SRGAP1: variants seen among roughly 807,000 people sequenced by gnomAD.
The protein encoded by SRGAP1 is SLIT-ROBO Rho GTPase activating protein 1, also known as SLIT-ROBO Rho GTPase-activating protein 1.
A neutral mutation model predicts 121.9 loss-of-function variants in SRGAP1; 43 were observed. The ratio of observed to expected loss-of-function variants is 0.35; its 90% CI spans 0.28 to 0.46. SRGAP1 has a LOEUF of 0.46. SRGAP1 is among the 20% of genes least tolerant of loss of function. The pLI, the probability that SRGAP1 is intolerant of heterozygous loss-of-function variation, is 1.00. For missense variants in SRGAP1, 1,102 were observed against 1,350.9 expected (o/e 0.82, Z 2.89); for synonymous variants, 447 against 485.4 (o/e 0.92, Z 1.04).
chr12:63,851,708 G>A (rs1899080516), intron 1 of SRGAP1, among the ~76,000 whole-genome samples: 1 of 151,430 alleles, frequency 6.6e-6, no homozygotes, highest in African/African-American at 2.4e-5. Context: ...AGGATTACAG[G>A]CATGCACCCC....
At chr12:64,030,715 T>C (rs2034758411) in intron 4 of SRGAP1, among the ~76,000 whole-genome samples, 1 of 152,228 alleles carries the variant, frequency 6.6e-6, no homozygotes, top group South Asian at 2.1e-4. Flanking sequence ...TCCTCCTTAA[T>C]GAGCACTTGC....
chr12:64,097,208 T>C (rs2036171725), intron 14 of SRGAP1, 33 bp from the exon 15 acceptor site: 2 of 1,565,200 alleles, frequency 1.3e-6, no homozygotes, highest in Middle Eastern at 1.7e-4. Context: ...AAAGAAGCAC[T>C]GTTAATGTAA....
intron 3 of SRGAP1, among the ~76,000 whole-genome samples, chr12:64,009,328 A>G (rs1048323942): frequency 6.6e-6 from 1 of 152,146 alleles, no homozygotes; most frequent in Non-Finnish European, 1.5e-5. Context: ...GGTGTTTCCA[A>G]TTTATCAGCA....
At chr12:64,072,914 C>T (rs2035669080) in intron 8 of SRGAP1, among the ~76,000 whole-genome samples, 1 of 152,152 alleles carries the variant, frequency 6.6e-6, no homozygotes, top group African/African-American at 2.4e-5. Flanking sequence ...TGTTTTGACC[C>T]ACAGCTCAGA....
intron 1 of SRGAP1, among the ~76,000 whole-genome samples, chr12:63,927,940 T>C (rs1219343312): frequency 6.6e-6 from 1 of 152,158 alleles, no homozygotes; most frequent in African/African-American, 2.4e-5. Context: ...TAGAATGCAT[T>C]GTGAATCTTC....
At chr12:63,907,711 A>G (rs2030284193) in intron 1 of SRGAP1, among the ~76,000 whole-genome samples, 1 of 149,364 alleles carries the variant, frequency 6.7e-6, no homozygotes, top group Non-Finnish European at 1.5e-5. Context: ...CCTATGAGGC[A>G]TAAAAGTTTT....
chr12:64,016,651 C>T (rs933483827), intron 3 of SRGAP1, among the ~76,000 whole-genome samples: 1 of 152,130 alleles, frequency 6.6e-6, no homozygotes, highest in Non-Finnish European at 1.5e-5. Flanking sequence ...AGTTCTGCAA[C>T]TCAACTTTTA....
chr12:63,974,533 TA>T (rs1311367188), intron 1 of SRGAP1, among the ~76,000 whole-genome samples: 1 of 152,176 alleles, frequency 6.6e-6, no homozygotes, highest in Admixed American at 6.5e-5. Flanking sequence ...AATTTTTATT[TA>T]TTTTTTTCTT....
chr12:64,075,456 G>A (rs111866923), intron 8 of SRGAP1, among the ~76,000 whole-genome samples: 19,988 of 152,192 alleles, frequency 0.13, 1,572 homozygotes, highest in South Asian at 0.31. Context: ...AGTGCTGCAG[G>A]GATTTTGTTT....
At chr12:63,897,622 G>A (rs1900797249) in intron 1 of SRGAP1, among the ~76,000 whole-genome samples, 1 of 152,162 alleles carries the variant, frequency 6.6e-6, no homozygotes, top group Non-Finnish European at 1.5e-5. Flanking sequence ...AATTTACCTT[G>A]TCTGCTATTT....
chr12:64,071,958 G>A (rs147808000), intron 8 of SRGAP1, among the ~76,000 whole-genome samples: 110 of 152,110 alleles, frequency 7.2e-4, no homozygotes, highest in Middle Eastern at 3.4e-3. Flanking sequence ...AGGGGATAGG[G>A]TTATTAGCAT....
At chr12:64,095,259 G>A (rs2136590702) in intron 14 of SRGAP1, 55 bp downstream of exon 14, 2 of 1,489,144 alleles carry the variant, frequency 1.3e-6, no homozygotes, top group Non-Finnish European at 1.9e-6. Context: ...ATCATGTTCT[G>A]TAAACTGAAG....
intron 1 of SRGAP1, among the ~76,000 whole-genome samples, chr12:63,889,364 G>C (rs1900499541): frequency 6.6e-6 from 1 of 152,314 alleles, no homozygotes; most frequent in Non-Finnish European, 1.5e-5. Context: ...TCTGTGCTGG[G>C]AGGTGGAGAG....
At chr12:64,045,933 A>G (rs1331889484) in intron 6 of SRGAP1, among the ~76,000 whole-genome samples, 1 of 152,324 alleles carries the variant, frequency 6.6e-6, no homozygotes, top group Middle Eastern at 3.4e-3. Flanking sequence ...AAGTACATGT[A>G]TACACACACA....
chr12:63,971,832 G>A (rs1275756270), intron 1 of SRGAP1, among the ~76,000 whole-genome samples: 1 of 151,900 alleles, frequency 6.6e-6, no homozygotes, highest in Non-Finnish European at 1.5e-5. Context: ...TAAGGATTTT[G>A]TAGCCTAAAA....
In SRGAP1 at chr12:63,926,032, T is replaced by G. The variant is rs190854654; in HGVS notation, c.68-57915T>G. On this transcript the variant is annotated intron_variant, in intron 1 of 21. Coordinates refer to ENST00000355086, the MANE Select transcript of SRGAP1 (RefSeq NM_020762.4). ...CTGAGGAGGACCACAACTTGCCCAG[T>G]TTCAAGAGGATTTCCTTTTATCCTT... Among the ~76,000 whole-genome samples the G allele has an allele frequency of 1.5e-4, 23 of 152,314 alleles. No individual in the cohort carries two copies. The East Asian group carries it at 4.0e-3, about 27-fold the overall frequency.
chr12:63,936,044 CT>C (rs1237424850), intron 1 of SRGAP1, among the ~76,000 whole-genome samples: 1 of 152,012 alleles, frequency 6.6e-6, no homozygotes, highest in Non-Finnish European at 1.5e-5. Flanking sequence ...GTAGGAGTAA[CT>C]TTTATTTTCT....
At chr12:63,857,921 C>G (rs909413988) in intron 1 of SRGAP1, among the ~76,000 whole-genome samples, 1 of 152,058 alleles carries the variant, frequency 6.6e-6, no homozygotes, top group African/African-American at 2.4e-5. Context: ...GCTTTCAGGC[C>G]CCTCCTCCCT....
chr12:63,915,152 A>G (rs1211019950), intron 1 of SRGAP1, among the ~76,000 whole-genome samples: 3 of 152,270 alleles, frequency 2.0e-5, no homozygotes, highest in Non-Finnish European at 2.9e-5. Context: ...GGGGAAATAT[A>G]AAAGTTGCAT....
Sources: allele counts gnomAD v4.1 joint callset (sites outside exome capture counted in the v4.1 genomes callset), GRCh38; gene constraint gnomAD v4.1.1; transcripts MANE v1.5; gene names NCBI Gene and HGNC (gene_info 2026-07-23, HGNC 2026-07-21).